EMC10: variants seen among roughly 807,000 people sequenced by gnomAD.
EMC10 encodes ER membrane protein complex subunit 10, also known as UPF0510 protein INM02.
Under a neutral mutation model 32.2 loss-of-function variants are expected in EMC10, and 40 were observed. The observed-to-expected ratio is 1.24, with a 90% CI of 0.96 to 1.61. The LOEUF is 1.61. EMC10 is among the 40% of genes most tolerant of loss of function. The pLI, the probability that EMC10 is intolerant of heterozygous loss-of-function variation, is 0.00. For synonymous variants in EMC10, 178 were observed against 158.4 expected (o/e 1.12, Z -0.93); for missense variants, 402 against 357.7 (o/e 1.12, Z -1.00).
chr19:50,481,018 A>G, intron 6 of EMC10, 41 bp downstream of exon 6: 1 of 1,511,248 alleles, frequency 6.6e-7, no homozygotes, highest in African/African-American at 1.4e-5. Context: ...CCTTCCTGAC[A>G]GTCCCGGTGC....
chr19:50,479,878 TGTG>T (rs1422970114), intron 3 of EMC10, among the ~76,000 whole-genome samples: 3 of 152,190 alleles, frequency 2.0e-5, no homozygotes, highest in Non-Finnish European at 4.4e-5. Context: ...TTGCCCTCCT[TGTG>T]GTGGCTTTTC....
rs543560859 is a variant in EMC10 at position 50,481,489 on chromosome 19, C to T, written c.678+512C>T. The T allele has an allele frequency of 2.0e-4, 55 of 269,620 alleles. No homozygotes were observed. The South Asian group carries it at 3.5e-3, about 17-fold the overall frequency. The allele number at this position is 269,620 out of a possible 1,614,324, so 16.7% of individuals were successfully genotyped here. The stretch of plus-strand genomic sequence containing the variant: ...GAGGCTGAGGCGTGGGGTGGGGAGG[C>T]TGGGGACAGCCGGAGGAGGTGGCTT... On this transcript the variant is annotated intron_variant, in intron 6 of 6. Transcript: ENST00000334976.
Position 50,480,765 on chromosome 19 carries a change from G to A in EMC10, c.584+3G>A. 6.3e-7 allele frequency: 1 copy of A among 1,585,234 alleles called. No homozygotes were observed. Among genetic ancestry groups the A allele is most frequent in the Non-Finnish European group, 8.6e-7 (1 of 1,164,658 alleles). ...CAGCCGCCCACCACAGCCCCAGGGT[G>A]AGCCTCTGCTGCCTTCGCGGCGCTC... On this transcript the variant is annotated splice_donor_region_variant and intron_variant, in intron 5 of 6. Transcript: ENST00000334976. The surrounding 1 kb of genome is among the most constrained non-coding windows in gnomAD (Gnocchi z 4.4).
rs1453497409 is a variant in EMC10 at position 50,480,635 on chromosome 19, G to T, written c.457G>T (p.Ala153Ser). The T allele has an allele frequency of 1.3e-6, 2 of 1,582,380 alleles. No homozygotes were observed. The highest frequency in any genetic ancestry group is 2.7e-5 in the African/African-American group (2 of 74,246). ...CCAGCTGACCCTGCACGTGGATGTG[G>T]CCGGCAACGTGGTGGGCGTGTCGGT... ...SDQLTLHVDVAGNVVGVSVVT... is the reference protein window; with the variant it reads ...SDQLTLHVDVSGNVVGVSVVT... Residue 153 changes from alanine to serine, a missense_variant, in exon 5 of 7, where the codon GCC (alanine) becomes TCC (serine). Physicochemically the swap from Ala to Ser is moderately conservative, Grantham distance 99. Transcript: ENST00000334976. This position sits in a 1 kb window ranked among gnomAD's most constrained non-coding sequence, Gnocchi z 4.4.
Position 50,482,610 on chromosome 19 carries a change from C to T in EMC10, c.*351C>T, listed in dbSNP as rs190632582. On this transcript the variant is annotated 3_prime_UTR_variant, in exon 7 of 7. Transcript: ENST00000334976. ...GAGCCCATGCAGTCTGGGAACATGC[C>T]GCCTTCTCTCCAGCCTCTGTGCCTT... 3,537 of 489,964 alleles carry T rather than the reference C, an allele frequency of 7.2e-3. 26 individuals are homozygous for T. Among genetic ancestry groups the T allele is most frequent in the Non-Finnish European group, 9.8e-3 (2,727 of 278,996 alleles). The allele number at this position is 489,964 out of a possible 1,614,324, so 30.4% of individuals were successfully genotyped here. A position where few individuals can be genotyped will look rare whatever the true frequency, so the allele number is the denominator to read the frequency against.
At chr19:50,481,612 C>T (rs2040320322) in intron 6 of EMC10, 3 of 530,364 alleles carry the variant, frequency 5.7e-6, no homozygotes, top group Non-Finnish European at 9.9e-6. Flanking sequence ...CTGTGTGGCC[C>T]GAGGCAGGCT....
chr19:50,481,917 A>C lies in EMC10; in HGVS notation c.679-232A>C, dbSNP rs746263716. On this transcript the variant is annotated intron_variant, in intron 6 of 6. Transcript: ENST00000334976. ...TCACAGCCCTGCGTCCTGCTGCGCC[A>C]GGGCCCGCGCCACCGCCACAGGAGG... 5.6e-6 allele frequency: 9 copies of C among 1,603,632 alleles called. No homozygotes were observed. In the African/African-American group the frequency reaches 1.1e-4, roughly 19 times the overall value.
At chr19:50,481,299 G>A (rs1007413293) in intron 6 of EMC10, 9 of 318,808 alleles carry the variant, frequency 2.8e-5, no homozygotes, top group African/African-American at 1.7e-4. Context: ...AAGGAGGGGC[G>A]AGCAGGTTCT....
At position 50,479,071 on chromosome 19, in the gene EMC10, G is replaced by A. The variant is rs970717166; in HGVS notation, c.297+5G>A. 3.1e-6 allele frequency: 5 copies of A among 1,596,618 alleles called. No homozygotes were observed. The African/African-American group carries it at 5.4e-5, about 17-fold the overall frequency. On this transcript the variant is annotated splice_donor_5th_base_variant and intron_variant, in intron 3 of 6. Transcript: ENST00000334976. Reference sequence around the variant, plus strand: ...GAGGAGCGGGGCCGACTCCGGGTGAGGTGGGGCCCTCAGGGCTGGGTGTGG... The same window carrying A: ...GAGGAGCGGGGCCGACTCCGGGTGAAGTGGGGCCCTCAGGGCTGGGTGTGG...
rs1427527529 is a variant in EMC10, at chr19:50,482,570, G to A, written c.*311G>A. 5 of 528,000 alleles carry A rather than the reference G, an allele frequency of 9.5e-6. No homozygotes were observed. The highest frequency in any genetic ancestry group is 1.7e-5 in the Non-Finnish European group (5 of 300,766). 32.7% of individuals were successfully genotyped at this position (528,000 alleles called of 1,614,324 possible). A position where few individuals can be genotyped will look rare whatever the true frequency, so the allele number is the denominator to read the frequency against. The stretch of plus-strand genomic sequence containing the variant: ...TGGCCACTATGCCAGTTCTGACCTC[G>A]CATCCCCCTACCCCGAGCCCATGCA... On this transcript the variant is annotated 3_prime_UTR_variant, in exon 7 of 7. Coordinates refer to ENST00000334976, the MANE Select transcript of EMC10 (RefSeq NM_206538.4).
In EMC10 at chr19:50,476,558, G is replaced by A. The variant is rs1601320323; in HGVS notation, c.14G>A (p.Ser5Asn). 1.9e-6 allele frequency: 3 copies of A among 1,574,840 alleles called. No individual in the cohort carries two copies. In the African/African-American group the frequency reaches 4.1e-5, roughly 21 times the overall value. ...GAAGAAGCCGAGATGGCGGCAGCCA[G>A]CGCTGGGGCAACCCGGCTGCTCCTG... MAAA[S>N]AGATRLLLLL... The change falls in exon 1 of 7, where the codon AGC (serine) becomes AAC (asparagine). Residue 5 changes from serine to asparagine, a missense_variant. Physicochemically the swap from Ser to Asn is conservative, Grantham distance 46. Transcript: ENST00000334976.
intron 6 of EMC10, 54 bp from the exon 7 acceptor site, chr19:50,482,095 T>C: frequency 7.2e-7 from 1 of 1,386,870 alleles, no homozygotes; most frequent in Middle Eastern, 1.8e-4. Flanking sequence ...CTCACCTCCT[T>C]CCCCTCTCTC....
rs1477701719 is a variant in EMC10 at position 50,480,526 on chromosome 19, G to A, written c.403-55G>A. 3 of 1,533,926 alleles carry A rather than the reference G, an allele frequency of 2.0e-6. No individual in the cohort carries two copies. In the Admixed American group the frequency reaches 6.0e-5, roughly 31 times the overall value. ...CTGTGGTGGGGGCCGGGGGAGGTTA[G>A]GGTGGAGCCCAGGCAGCAGGCTCCC... On this transcript the variant is annotated intron_variant, in intron 4 of 6. Coordinates refer to ENST00000334976, the MANE Select transcript of EMC10 (RefSeq NM_206538.4). The surrounding 1 kb of genome is among the most constrained non-coding windows in gnomAD (Gnocchi z 4.4).
chr19:50,482,437 G>C lies in EMC10; in HGVS notation c.*178G>C, dbSNP rs2040337628. On this transcript the variant is annotated 3_prime_UTR_variant, in exon 7 of 7. Coordinates refer to ENST00000334976, the MANE Select transcript of EMC10 (RefSeq NM_206538.4). Reference sequence around the variant, plus strand: ...CCTTCTGCTGGCAGAGGAGCAGCTGGACTGGGGCCTTTGGCACAGCAGCCG... The same window carrying C: ...CCTTCTGCTGGCAGAGGAGCAGCTGCACTGGGGCCTTTGGCACAGCAGCCG... 3.4e-6 allele frequency: 2 copies of C among 591,840 alleles called. No individual in the cohort carries two copies. The highest frequency in any genetic ancestry group is 6.0e-6 in the Non-Finnish European group (2 of 332,504). 36.7% of individuals were successfully genotyped at this position (591,840 alleles called of 1,614,324 possible). A position where few individuals can be genotyped will look rare whatever the true frequency, so the allele number is the denominator to read the frequency against.
In EMC10 at chr19:50,482,844, C is replaced by T. The variant is rs1475693610; in HGVS notation, c.*585C>T. The T allele has an allele frequency of 9.4e-6, 5 of 534,502 alleles. No individual in the cohort carries two copies. The highest frequency in any genetic ancestry group is 3.6e-5 in the Admixed American group (1 of 27,902). The allele number at this position is 534,502 out of a possible 1,614,324, so 33.1% of individuals were successfully genotyped here. On this transcript the variant is annotated 3_prime_UTR_variant, in exon 7 of 7. Transcript: ENST00000334976. Reference sequence around the variant, plus strand: ...GGGCTTCTGGGCCCGACGCCTAGTGCAGCCCCTGGGGTCGTGGTTTGACAT... The same window carrying T: ...GGGCTTCTGGGCCCGACGCCTAGTGTAGCCCCTGGGGTCGTGGTTTGACAT...
In EMC10 at chr19:50,482,683, C is replaced by G. The variant is rs1450943495; in HGVS notation, c.*424C>G. On this transcript the variant is annotated 3_prime_UTR_variant, in exon 7 of 7. Transcript: ENST00000334976. ...CTGTCCCTGGCTGGGCTAGGTGGTC[C>G]TGTCCAGGCTCCTGCAGCGCCCCCC... 1 of 480,598 alleles carries G rather than the reference C, an allele frequency of 2.1e-6. No individual in the cohort carries two copies. Among genetic ancestry groups the G allele is most frequent in the Non-Finnish European group, 3.7e-6 (1 of 273,754 alleles). The allele number at this position is 480,598 out of a possible 1,614,324, so 29.8% of individuals were successfully genotyped here. A position where few individuals can be genotyped will look rare whatever the true frequency, so the allele number is the denominator to read the frequency against.
chr19:50,482,217 TG>T lies in EMC10; in HGVS notation c.752del (p.Gly251ValfsTer169). ...SGAPDTGGQGGGGGGGGGGGS... is the reference protein window; with the variant it reads ...SGAPDTGGQGXGGGGGGGGGS... Reference sequence around the variant, plus strand: ...GAGCGCCAGACACCGGGGGCCAGGGTGGGGGTGGGGGTGGGGGTGGTGGTGG... The same window carrying T: ...GAGCGCCAGACACCGGGGGCCAGGGTGGGGTGGGGGTGGGGGTGGTGGTGG... On this transcript the variant is annotated frameshift_variant, in exon 7 of 7. Coordinates refer to ENST00000334976, the MANE Select transcript of EMC10 (RefSeq NM_206538.4). LOFTEE classifies it high-confidence loss of function. 1 of 60,198 alleles carries T rather than the reference TG, an allele frequency of 1.7e-5. No homozygotes were observed. The allele number at this position is 60,198 out of a possible 1,614,324, so 3.7% of individuals were successfully genotyped here. A position where few individuals can be genotyped will look rare whatever the true frequency, so the allele number is the denominator to read the frequency against.
chr19:50,479,330 C>T (rs2040281558), intron 3 of EMC10, among the ~76,000 whole-genome samples: 1 of 152,252 alleles, frequency 6.6e-6, no homozygotes, highest in African/African-American at 2.4e-5. Context: ...CCTTCCCCTG[C>T]AGGTTCACAC....
chr19:50,480,512 G>A lies in EMC10; in HGVS notation c.403-69G>A. On this transcript the variant is annotated intron_variant, in intron 4 of 6. Transcript: ENST00000334976. This position sits in a 1 kb window ranked among gnomAD's most constrained non-coding sequence, Gnocchi z 4.4. ...ATGCTCCGGGGGTCCTGTGGTGGGG[G>A]CCGGGGGAGGTTAGGGTGGAGCCCA... The A allele has an allele frequency of 1.3e-6, 2 of 1,510,840 alleles. No individual in the cohort carries two copies. The highest frequency in any genetic ancestry group is 1.2e-5 in the South Asian group (1 of 80,848). 93.6% of individuals were successfully genotyped at this position (1,510,840 alleles called of 1,614,324 possible).
Sources: allele counts gnomAD v4.1 joint callset (sites outside exome capture counted in the v4.1 genomes callset), GRCh38; gene constraint gnomAD v4.1.1; non-coding constraint Gnocchi (gnomAD v3.1); transcripts MANE v1.5; gene names NCBI Gene and HGNC (gene_info 2026-07-23, HGNC 2026-07-21).